ARHGEF12: variants seen among roughly 807,000 people sequenced by gnomAD.
ARHGEF12 encodes Rho guanine nucleotide exchange factor 12, also known as KMT2A/ARHGEF12 fusion protein.
A neutral mutation model predicts 211.2 loss-of-function variants in ARHGEF12; 66 were observed. The observed-to-expected ratio is 0.31, with a 90% CI of 0.26 to 0.38. The LOEUF is 0.38. Ranked by LOEUF, ARHGEF12 falls within the 10% of genes least tolerant of loss-of-function variation. The pLI, the probability that ARHGEF12 is intolerant of heterozygous loss-of-function variation, is 1.00. For synonymous variants in ARHGEF12, 592 were observed against 638.4 expected, an observed-to-expected ratio of 0.93 and a Z score of 1.09; for missense variants, 1,429 against 1,869.5, an observed-to-expected ratio of 0.76 and a Z score of 4.34.
intron 37 of ARHGEF12, 32 bp from the exon 38 acceptor site, chr11:120,479,928 T>A: frequency 6.4e-7 from 1 of 1,562,826 alleles, no homozygotes; most frequent in Non-Finnish European, 8.7e-7. Flanking sequence ...TGTGAATATG[T>A]TTTTTTTCCC....
intron 39 of ARHGEF12, among the ~76,000 whole-genome samples, chr11:120,483,846 C>T (rs1947326612): frequency 1.3e-5 from 2 of 152,252 alleles, no homozygotes; most frequent in South Asian, 4.1e-4. Context: ...GATCTCCTGA[C>T]CTCGTGATCC....
chr11:120,448,002 T>C, intron 19 of ARHGEF12, 96 bp downstream of exon 19: 1 of 1,024,008 alleles, frequency 9.8e-7, no homozygotes. Flanking sequence ...TCTTTTAACT[T>C]ACAAATACAG....
rs188023552 is a variant in ARHGEF12 at position 120,487,314 on chromosome 11, A to G, written c.*2237A>G. ...AACTCTAACAGGACTAACTGGAAAA[A>G]TACTTTGACCATAGCTCTAGTACTT... On this transcript the variant is annotated 3_prime_UTR_variant, in exon 41 of 41. Coordinates refer to ENST00000397843, the MANE Select transcript of ARHGEF12 (RefSeq NM_015313.3). The G allele has an allele frequency of 9.1e-6, 2 of 220,026 alleles. No homozygotes were observed. The highest frequency in any genetic ancestry group is 6.7e-5 in the East Asian group (1 of 14,920). The allele number at this position is 220,026 out of a possible 1,614,324, so 13.6% of individuals were successfully genotyped here.
intron 10 of ARHGEF12, among the ~76,000 whole-genome samples, chr11:120,430,626 C>T (rs1389153112): frequency 6.6e-6 from 1 of 152,166 alleles, no homozygotes; most frequent in Non-Finnish European, 1.5e-5. Flanking sequence ...ATTGCCTATA[C>T]ATTTAAAATA....
Position 120,417,423 on chromosome 11 carries a change from A to G in ARHGEF12, c.200-3330A>G, listed in dbSNP as rs146095914. On this transcript the variant is annotated intron_variant, in intron 4 of 40. Transcript: ENST00000397843. ...ATTTATTTTGAAATTTCAAATAACT[A>G]TAAGGGAGGTTGTGAAATATTTGTT... is the stretch of plus-strand genomic sequence containing the variant. Among the ~76,000 whole-genome samples the G allele has an allele frequency of 5.1e-3, 781 of 152,150 alleles. 12 individuals are homozygous for G. The highest frequency in any genetic ancestry group is 6.9e-3 in the Middle Eastern group (2 of 290).
chr11:120,443,806 AT>A (rs1331460208), intron 15 of ARHGEF12, among the ~76,000 whole-genome samples: 1 of 152,272 alleles, frequency 6.6e-6, no homozygotes, highest in African/African-American at 2.4e-5. Flanking sequence ...ACAATAAAAA[AT>A]GAAACAATTT....
rs116848639 is a variant in ARHGEF12, at chr11:120,453,136, G to A, written c.2056+1412G>A. ...CAGAAATATTAGTTTCTGTCTCAGA[G>A]GGCTGTAGCAGAAGAGGTAAGCTGC... On this transcript the variant is annotated intron_variant, in intron 22 of 40. Coordinates refer to ENST00000397843, the MANE Select transcript of ARHGEF12 (RefSeq NM_015313.3). Among the ~76,000 whole-genome samples the A allele has an allele frequency of 1.8e-3, 269 of 152,256 alleles. 1 individual carries two copies. Among genetic ancestry groups the A allele is most frequent in the Non-Finnish European group, 2.3e-3 (159 of 68,034 alleles).
Position 120,477,201 on chromosome 11 carries a change from C to A in ARHGEF12, c.3366-18C>A, listed in dbSNP as rs1247373064. 2 of 1,610,992 alleles carry A rather than the reference C, an allele frequency of 1.2e-6. No individual in the cohort carries two copies. The highest frequency in any genetic ancestry group is 1.7e-6 in the Non-Finnish European group (2 of 1,178,478). ...TTTTTCTTTTTTGTATTTTGGATTT[C>A]TTTCCAACTTTCTGAAGCTGGCAGG... On this transcript the variant is annotated intron_variant, in intron 34 of 40. Coordinates refer to ENST00000397843, the MANE Select transcript of ARHGEF12 (RefSeq NM_015313.3).
At chr11:120,457,029 C>T in intron 22 of ARHGEF12, 89 bp from the exon 23 acceptor site, 1 of 1,265,710 alleles carries the variant, frequency 7.9e-7, no homozygotes, top group Middle Eastern at 1.9e-4. Flanking sequence ...ATGGATTAGG[C>T]TGAAGCTGTT....
Position 120,437,308 on chromosome 11 carries a change from A to G in ARHGEF12, c.925A>G (p.Ser309Gly), listed in dbSNP as rs937273432. 6.8e-6 allele frequency: 11 copies of G among 1,606,390 alleles called. No individual in the cohort carries two copies. The Admixed American group carries it at 8.5e-5, about 12-fold the overall frequency. Residue 309 changes from serine (S) to glycine (G), a missense_variant and splice_region_variant, in exon 12 of 41, where the codon AGT (serine) becomes GGT (glycine). By Grantham distance (56) the Ser-to-Gly change is moderately conservative. Coordinates refer to ENST00000397843, the MANE Select transcript of ARHGEF12 (RefSeq NM_015313.3). ...ASRPSSDNAD[S>G]PKSGPKERIY... ...CTGAAGATCTTGTTTTTTTCATTAGAGTCCCAAGAGTGGCCCAAAAGAGAG... is the reference window on the plus strand; with the variant it reads ...CTGAAGATCTTGTTTTTTTCATTAGGGTCCCAAGAGTGGCCCAAAAGAGAG...
intron 13 of ARHGEF12, among the ~76,000 whole-genome samples, chr11:120,441,200 G>T (rs1490450655): frequency 6.6e-6 from 1 of 152,030 alleles, no homozygotes. Context: ...TCTTTAGAAT[G>T]ATTTGGGAAT....
chr11:120,369,178 G>T (rs1339315555), intron 1 of ARHGEF12, among the ~76,000 whole-genome samples: 2 of 105,980 alleles, frequency 1.9e-5, no homozygotes, highest in Non-Finnish European at 4.0e-5. Flanking sequence ...CCCCAGTCTG[G>T]AGTGCAGTGG....
intron 1 of ARHGEF12, among the ~76,000 whole-genome samples, chr11:120,398,718 A>G (rs887242141): frequency 6.6e-6 from 1 of 152,226 alleles, no homozygotes; most frequent in Non-Finnish European, 1.5e-5. Flanking sequence ...TGTTATAACT[A>G]TAGCCAATAA....
At chr11:120,429,641 T>A (rs1384827185) in intron 9 of ARHGEF12, 71 bp from the exon 10 acceptor site, 14 of 1,565,908 alleles carry the variant, frequency 8.9e-6, no homozygotes, top group South Asian at 7.0e-5. Flanking sequence ...TATTATTGAT[T>A]AAGAATGGAC....
chr11:120,371,950 C>T (rs1485459791), intron 1 of ARHGEF12, among the ~76,000 whole-genome samples: 1 of 152,122 alleles, frequency 6.6e-6, no homozygotes, highest in Non-Finnish European at 1.5e-5. Context: ...TACTAAAAAT[C>T]TGAGGGGAAA....
Position 120,442,155 on chromosome 11 carries a change from C to G in ARHGEF12, c.1255C>G (p.Arg419Gly), listed in dbSNP as rs199633497. Residue 419 changes from arginine to glycine, a missense_variant, in exon 15 of 41, where the codon CGT (arginine) becomes GGT (glycine). This residue lies in a region of ARHGEF12 where 373 missense variants were observed against 467.5 expected (regional missense o/e 0.80). Transcript: ENST00000397843. ...LYKHTNSKET[R>G]RIFLEFHQFF... ...TAAACATACCAATTCCAAAGAAACTCGTCGCATCTTCCTTGAGTTTCATCA... is the reference window on the plus strand; with the variant it reads ...TAAACATACCAATTCCAAAGAAACTGGTCGCATCTTCCTTGAGTTTCATCA... 4.3e-6 allele frequency: 7 copies of G among 1,610,766 alleles called. No homozygotes were observed. The highest frequency in any genetic ancestry group is 5.9e-6 in the Non-Finnish European group (7 of 1,179,366).
intron 1 of ARHGEF12, among the ~76,000 whole-genome samples, chr11:120,405,604 A>G (rs1351051844): frequency 1.3e-5 from 2 of 152,228 alleles, no homozygotes; most frequent in African/African-American, 4.8e-5. Flanking sequence ...TCAATAGTGC[A>G]GTAATCAACA....
At chr11:120,453,130 C>G (rs943838545) in intron 22 of ARHGEF12, among the ~76,000 whole-genome samples, 4 of 152,092 alleles carry the variant, frequency 2.6e-5, no homozygotes, top group African/African-American at 7.2e-5. Context: ...TAGTTTCTGT[C>G]TCAGAGGGCT....
At chr11:120,445,489 G>A (rs1478566411) in intron 16 of ARHGEF12, 25 bp downstream of exon 16, 1 of 1,610,476 alleles carries the variant, frequency 6.2e-7, no homozygotes, top group Admixed American at 1.7e-5. Context: ...CTAACATCCT[G>A]GAGAATTACA....
Sources: gnomAD v4.1 joint callset for allele counts (sites outside exome capture counted in the v4.1 genomes callset) on GRCh38, gnomAD v4.1.1 for gene constraint, gnomAD v4.1.1 regional missense constraint, MANE v1.5 for transcripts, NCBI Gene and HGNC (gene_info 2026-07-23, HGNC 2026-07-21) for gene names.